AKT3: variants seen among roughly 807,000 people sequenced by gnomAD.
AKT3 encodes AKT serine/threonine kinase 3, also known as RAC-gamma serine/threonine-protein kinase.
Under a neutral mutation model 65.3 loss-of-function variants are expected in AKT3, and 15 were observed. That is an observed-to-expected ratio of 0.23 (90% CI 0.15 to 0.35). AKT3 has a LOEUF of 0.35. AKT3 is among the 10% of genes least tolerant of loss of function. The pLI, the probability that AKT3 is intolerant of heterozygous loss-of-function variation, is 1.00. For synonymous variants in AKT3, 206 were observed against 183.8 expected (o/e 1.12, Z -0.98); for missense variants, 243 against 576.5 (o/e 0.42, Z 5.92).
chr1:243,598,825 T>C (rs1292997766), intron 8 of AKT3, among the ~76,000 whole-genome samples: 1 of 152,250 alleles, frequency 6.6e-6, no homozygotes, highest in African/African-American at 2.4e-5. Context: ...TTTTGTTTTA[T>C]TATTTTATAA....
At chr1:243,567,048 G>A (rs1234217292) in intron 9 of AKT3, among the ~76,000 whole-genome samples, 1 of 152,176 alleles carries the variant, frequency 6.6e-6, no homozygotes, top group Non-Finnish European at 1.5e-5. Flanking sequence ...GAGAGGCTGA[G>A]GCAGGCAGAT....
chr1:243,715,689 AG>A (rs1686469194), intron 2 of AKT3, among the ~76,000 whole-genome samples: 2 of 152,206 alleles, frequency 1.3e-5, no homozygotes, highest in Middle Eastern at 6.8e-3. Flanking sequence ...AACGAGGGAA[AG>A]AAAAAAAGTA....
chr1:243,546,154 C>T (rs552129758), intron 11 of AKT3, among the ~76,000 whole-genome samples: 206 of 152,306 alleles, frequency 1.4e-3, no homozygotes, highest in Middle Eastern at 6.8e-3. Flanking sequence ...GATTCCCCTG[C>T]ACATGCCCTT....
At chr1:243,652,047 CT>C (rs74162302) in intron 4 of AKT3, among the ~76,000 whole-genome samples, 95,307 of 135,804 alleles carry the variant, frequency 0.7, 34,551 homozygotes, top group Non-Finnish European at 0.81. Context: ...GAAAAGAATT[CT>C]TTTTTTTTTT....
intron 1 of AKT3, among the ~76,000 whole-genome samples, chr1:243,846,566 G>A (rs889631884): frequency 6.6e-6 from 1 of 152,132 alleles, no homozygotes; most frequent in African/African-American, 2.4e-5. Flanking sequence ...AGATTACTTG[G>A]CAGAGAAAAT....
At chr1:243,549,041 T>C (rs1672867729) in intron 11 of AKT3, among the ~76,000 whole-genome samples, 1 of 152,192 alleles carries the variant, frequency 6.6e-6, no homozygotes, top group Non-Finnish European at 1.5e-5. Context: ...GATTCTGTCC[T>C]AGGCCCTCTT....
chr1:243,488,580 G>A (rs574351421), intron 13 of AKT3: 13 of 228,334 alleles, frequency 5.7e-5, no homozygotes, highest in African/African-American at 3.0e-4. Context: ...GATTGACTGA[G>A]TGATTAATAA....
intron 2 of AKT3, among the ~76,000 whole-genome samples, chr1:243,737,924 C>T (rs1384448090): frequency 2.0e-5 from 3 of 152,078 alleles, no homozygotes; most frequent in African/African-American, 7.2e-5. Flanking sequence ...TCTCTTCCTA[C>T]AAATTAACTG....
chr1:243,499,344 C>A (rs1316011205), downstream of AKT3, among the ~76,000 whole-genome samples: 1 of 152,162 alleles, frequency 6.6e-6, no homozygotes, highest in Non-Finnish European at 1.5e-5. Flanking sequence ...TTCTTAGGGG[C>A]ACTTGGCCTA....
At chr1:243,567,770 T>C (rs367962093) in intron 9 of AKT3, among the ~76,000 whole-genome samples, 73 of 152,272 alleles carry the variant, frequency 4.8e-4, no homozygotes, top group African/African-American at 1.7e-3. Context: ...AAAAATAATA[T>C]CCCCAAATCT....
rs75536352 is a variant in AKT3 at position 243,662,897 on chromosome 1, G to A, written c.284+1875C>T. ...AAATGAAAACTGATTGTTCAGAAGA[G>A]TAGTATATTATTACAGGAACAGCAG... On this transcript the variant is annotated intron_variant, in intron 4 of 13. Coordinates refer to ENST00000673466, the MANE Select transcript of AKT3 (RefSeq NM_005465.7). Among the ~76,000 whole-genome samples, 776 of 152,242 alleles carry A rather than the reference G, an allele frequency of 5.1e-3. 9 individuals carry two copies. The highest frequency in any genetic ancestry group is 0.018 in the African/African-American group (736 of 41,538).
intron 2 of AKT3, among the ~76,000 whole-genome samples, chr1:243,720,429 TAAAA>T (rs66716743): frequency 1.2e-4 from 12 of 96,044 alleles, no homozygotes; most frequent in Admixed American, 7.7e-4. Flanking sequence ...AAAGACATAG[TAAAA>T]AAAAAAAAAA....
chr1:243,499,882 G>T lies in AKT3; in HGVS notation c.*5367C>A. ...GCCACAACGCACCACGACCTTCCCA[G>T]GGTGACACCGCCTCAGCCTGCAGTG... On this transcript the variant is annotated 3_prime_UTR_variant, in exon 14 of 14. Coordinates refer to ENST00000673466, the MANE Select transcript of AKT3 (RefSeq NM_005465.7). 1 of 1,180,670 alleles carries T rather than the reference G, an allele frequency of 8.5e-7. No individual in the cohort carries two copies. The allele number at this position is 1,180,670 out of a possible 1,614,324, so 73.1% of individuals were successfully genotyped here. A position where few individuals can be genotyped will look rare whatever the true frequency, so the allele number is the denominator to read the frequency against.
At chr1:243,527,870 AACACAC>A (rs56956606) in intron 12 of AKT3, among the ~76,000 whole-genome samples, 1,327 of 99,108 alleles carry the variant, frequency 0.013, 28 homozygotes, top group South Asian at 0.02. Flanking sequence ...CATCTCTTAA[AACACAC>A]ACACACACAC....
At chr1:243,764,193 G>A (rs1572301478) in intron 2 of AKT3, among the ~76,000 whole-genome samples, 2 of 152,024 alleles carry the variant, frequency 1.3e-5, no homozygotes, top group East Asian at 3.9e-4. Context: ...CTCTACCAAG[G>A]TGTTAAGATA....
chr1:243,602,047 T>C (rs954130223), intron 8 of AKT3, among the ~76,000 whole-genome samples: 1 of 152,202 alleles, frequency 6.6e-6, no homozygotes, highest in African/African-American at 2.4e-5. Context: ...CCCAGATGCC[T>C]GGCAGGCCCC....
At chr1:243,729,536 G>A (rs1687416841) in intron 2 of AKT3, among the ~76,000 whole-genome samples, 1 of 152,044 alleles carries the variant, frequency 6.6e-6, no homozygotes, top group African/African-American at 2.4e-5. Flanking sequence ...TATCCTTTGA[G>A]CCAGTAATTT....
intron 2 of AKT3, chr1:243,741,921 T>C (rs1395260372): frequency 1.3e-5 from 2 of 152,056 alleles, no homozygotes; most frequent in Admixed American, 6.5e-5. Flanking sequence ...AATTAGACTA[T>C]GAGTAATCTG....
chr1:243,542,921 C>T (rs1672416325), intron 12 of AKT3, among the ~76,000 whole-genome samples: 1 of 152,096 alleles, frequency 6.6e-6, no homozygotes. Flanking sequence ...CACAGGACAC[C>T]GTGAGTAAGC....
Sources: allele counts gnomAD v4.1 joint callset (sites outside exome capture counted in the v4.1 genomes callset), GRCh38; gene constraint gnomAD v4.1.1; transcripts MANE v1.5; gene names NCBI Gene and HGNC (gene_info 2026-07-23, HGNC 2026-07-21).